The following CSNK1G1 variants were observed in gnomAD, a reference collection of about 807,000 sequenced individuals.
CSNK1G1 encodes the protein casein kinase 1 gamma 1, also known as casein kinase I isoform gamma-1.
A neutral mutation model predicts 59.6 loss-of-function variants in CSNK1G1; 22 were observed. The ratio of observed to expected loss-of-function variants is 0.37; its 90% CI spans 0.26 to 0.53. The LOEUF is 0.53. Ranked by LOEUF, CSNK1G1 falls within the 20% of genes least tolerant of loss-of-function variation. The pLI is 0.89. For synonymous variants in CSNK1G1, 179 were observed against 177.1 expected (o/e 1.01, Z -0.08); for missense variants, 384 against 519.5 (o/e 0.74, Z 2.54).
intron 2 of CSNK1G1, among the ~76,000 whole-genome samples, chr15:64,272,216 C>CTT (rs982156703): frequency 6.8e-6 from 1 of 146,300 alleles, no homozygotes; most frequent in Non-Finnish European, 1.5e-5. Context: ...CACTCTGTGA[C>CTT]TTTTTTTTTT....
chr15:64,308,962 G>A (rs1257875652), intron 1 of CSNK1G1, among the ~76,000 whole-genome samples: 1 of 151,444 alleles, frequency 6.6e-6, no homozygotes, highest in Non-Finnish European at 1.5e-5. Context: ...TACCTCTTCC[G>A]CTTAATTTCT....
chr15:64,336,029 A>C (rs1465633588), intron 1 of CSNK1G1, among the ~76,000 whole-genome samples: 1 of 152,226 alleles, frequency 6.6e-6, no homozygotes, highest in Non-Finnish European at 1.5e-5. Flanking sequence ...AATAATATTC[A>C]TCTTAATTCA....
At chr15:64,291,245 T>C (rs1010989988) in intron 2 of CSNK1G1, among the ~76,000 whole-genome samples, 1 of 152,224 alleles carries the variant, frequency 6.6e-6, no homozygotes, top group Non-Finnish European at 1.5e-5. Context: ...AAAAATTTGA[T>C]TTTAAAATGG....
chr15:64,263,408 C>T (rs545227902), intron 2 of CSNK1G1, among the ~76,000 whole-genome samples: 21 of 151,908 alleles, frequency 1.4e-4, no homozygotes, highest in African/African-American at 5.1e-4. Flanking sequence ...AGGATGGGCT[C>T]GATCTCTTGA....
intron 8 of CSNK1G1, 121 bp downstream of exon 8, chr15:64,204,744 G>C: frequency 8.8e-7 from 1 of 1,134,860 alleles, no homozygotes; most frequent in Non-Finnish European, 1.3e-6. Context: ...ACCTACTTTG[G>C]TCTGTATCAC....
intron 2 of CSNK1G1, among the ~76,000 whole-genome samples, chr15:64,262,300 G>A (rs956181019): frequency 6.6e-6 from 1 of 152,184 alleles, no homozygotes; most frequent in Non-Finnish European, 1.5e-5. Flanking sequence ...TGTTAAAACA[G>A]AAATACAAAT....
At chr15:64,297,225 G>A (rs908214835) in intron 2 of CSNK1G1, among the ~76,000 whole-genome samples, 6 of 151,996 alleles carry the variant, frequency 3.9e-5, no homozygotes, top group African/African-American at 7.2e-5. Context: ...GCAGTTTGAC[G>A]AGACAGGATG....
intron 2 of CSNK1G1, among the ~76,000 whole-genome samples, chr15:64,271,115 G>C (rs1007160050): frequency 6.6e-6 from 1 of 151,856 alleles, no homozygotes; most frequent in Non-Finnish European, 1.5e-5. Flanking sequence ...CCTGAGCAGA[G>C]TAGCTGGGAC....
chr15:64,175,796 G>A (rs578169731), intron 11 of CSNK1G1, among the ~76,000 whole-genome samples: 1 of 152,310 alleles, frequency 6.6e-6, no homozygotes, highest in Non-Finnish European at 1.5e-5. Flanking sequence ...GAATCAAAAA[G>A]TCAGATTTTC....
intron 4 of CSNK1G1, among the ~76,000 whole-genome samples, chr15:64,228,779 G>A (rs1168742457): frequency 6.6e-6 from 1 of 152,130 alleles, no homozygotes; most frequent in Non-Finnish European, 1.5e-5. Context: ...AGTCTGGGAG[G>A]CCAAGGCAGG....
chr15:64,272,699 G>C (rs891373584), intron 2 of CSNK1G1, among the ~76,000 whole-genome samples: 4 of 152,040 alleles, frequency 2.6e-5, no homozygotes, highest in African/African-American at 9.7e-5. Flanking sequence ...GCTGGTAGTA[G>C]TCTTTCCTTT....
At chr15:64,266,567 A>C (rs1351471250) in intron 2 of CSNK1G1, among the ~76,000 whole-genome samples, 1 of 152,014 alleles carries the variant, frequency 6.6e-6, no homozygotes, top group East Asian at 1.9e-4. Context: ...TAGCCAAAAT[A>C]ATCTTGGGCA....
At chr15:64,192,826 G>C (rs566697889) in intron 10 of CSNK1G1, among the ~76,000 whole-genome samples, 64 of 102,406 alleles carry the variant, frequency 6.2e-4, no homozygotes, top group South Asian at 1.4e-3. Context: ...CTGAGTGACA[G>C]AGTGAGATCT....
chr15:64,311,899 A>T (rs530535919), intron 1 of CSNK1G1, among the ~76,000 whole-genome samples: 15 of 152,118 alleles, frequency 9.9e-5, no homozygotes, highest in Non-Finnish European at 4.4e-5. Context: ...TTAAGCTGAT[A>T]AGCAACTTCA....
At chr15:64,299,325 A>G (rs2140400805) in intron 2 of CSNK1G1, among the ~76,000 whole-genome samples, 1 of 151,812 alleles carries the variant, frequency 6.6e-6, no homozygotes, top group East Asian at 2.0e-4. Flanking sequence ...GCGGTGGCTC[A>G]CGCCTGTAAT....
rs1322657947 is a variant in CSNK1G1 at position 64,181,038 on chromosome 15, A to G, written c.1108-584T>C. 7 of 938,404 alleles carry G rather than the reference A, an allele frequency of 7.5e-6. No homozygotes were observed. The East Asian group carries it at 1.8e-4, about 24-fold the overall frequency. 58.1% of individuals were successfully genotyped at this position (938,404 alleles called of 1,614,324 possible). ...AAAAAGGAAGTCAACAGTGGGTACC[A>G]GAAACTATAAATAATCACACTTTCC... On this transcript the variant is annotated intron_variant, in intron 10 of 11. Transcript: ENST00000303052.
chr15:64,288,115 T>C (rs910375103), intron 2 of CSNK1G1, among the ~76,000 whole-genome samples: 5 of 152,162 alleles, frequency 3.3e-5, no homozygotes, highest in Non-Finnish European at 7.4e-5. Flanking sequence ...TAATGAAAGG[T>C]ATATTGATAA....
At chr15:64,265,899 A>AT in intron 2 of CSNK1G1, 1 of 446,032 alleles carries the variant, frequency 2.2e-6, no homozygotes, top group South Asian at 1.6e-5. Flanking sequence ...GCTAAGCAAC[A>AT]TATGAGACAC....
At chr15:64,345,997 G>T (rs919603993) in intron 1 of CSNK1G1, among the ~76,000 whole-genome samples, 2 of 151,954 alleles carry the variant, frequency 1.3e-5, no homozygotes, top group Non-Finnish European at 2.9e-5. Flanking sequence ...CACCTTGTTG[G>T]CCAGGATGGT....
Sources: allele counts gnomAD v4.1 joint callset (sites outside exome capture counted in the v4.1 genomes callset), GRCh38; gene constraint gnomAD v4.1.1; transcripts MANE v1.5; gene names NCBI Gene and HGNC (gene_info 2026-07-23, HGNC 2026-07-21).